Variants in SLC12A5 observed in about 807,000 individuals in gnomAD.
SLC12A5 encodes K-Cl cotransporter 2.
A neutral mutation model predicts 124.0 loss-of-function variants in SLC12A5; 18 were observed. The ratio of observed to expected loss-of-function variants is 0.15; its 90% confidence interval spans 0.10 to 0.22. SLC12A5 has a LOEUF of 0.22. Among genes scored for constraint, SLC12A5 ranks in the 10% least tolerant of loss-of-function variants. The pLI is 1.00. For synonymous variants in SLC12A5, 589 were observed against 568.0 expected, an observed-to-expected ratio of 1.04 and a Z score of -0.53; for missense variants, 867 against 1,478.7, an observed-to-expected ratio of 0.59 and a Z score of 6.78.
Position 46,056,583 on chromosome 20 carries a change from A to AGGGCTGG in SLC12A5, c.3110+29_3110+35dup. On this transcript the variant is annotated intron_variant, in intron 23 of 25. Transcript: ENST00000243964. The surrounding 1 kb of genome is among the most constrained non-coding windows in gnomAD (Gnocchi z 4.3). ...TGAAGCCGTACGGGCCTGGGGGCTA[A>AGGGCTGG]GGGCTGGGGGCTGGGGTGAGCTAAA... 1.2e-6 allele frequency: 2 copies of AGGGCTGG among 1,609,330 alleles called. No homozygotes were observed. Among genetic ancestry groups the AGGGCTGG allele is most frequent in the Middle Eastern group, 1.7e-4 (1 of 6,022 alleles).
intron 21 of SLC12A5, among the ~76,000 whole-genome samples, chr20:46,055,473 G>T (rs530414135): frequency 2.0e-5 from 3 of 152,186 alleles, no homozygotes; most frequent in African/African-American, 7.2e-5. Context: ...GGATCTCAGG[G>T]GTAATGGTGA....
At chr20:46,036,671 G>T (rs6104435) in intron 4 of SLC12A5, 70 bp from the exon 5 acceptor site, 1 of 1,573,036 alleles carries the variant, frequency 6.4e-7, no homozygotes, top group East Asian at 2.2e-5. Context: ...TGGGGTATAA[G>T]GCTTGGCCCC....
Position 46,043,254 on chromosome 20 carries a change from C to T in SLC12A5, c.1168C>T (p.Pro390Ser), listed in dbSNP as rs2084563877. 1 of 1,613,866 alleles carries T rather than the reference C, an allele frequency of 6.2e-7. No homozygotes were observed. Among genetic ancestry groups the T allele is most frequent in the Admixed American group, 1.7e-5 (1 of 59,976 alleles). Reference sequence around the variant, plus strand: ...TGGCACTCCTATCGACATGGACCACCCTTATGTCTTCAGTGATATGACCTC... The same window carrying T: ...TGGCACTCCTATCGACATGGACCACTCTTATGTCTTCAGTGATATGACCTC... ...ADGTPIDMDH[P>S]YVFSDMTSYF... Residue 390 changes from proline (P) to serine (S), a missense_variant, in exon 9 of 26, where the codon CCT becomes TCT. Pro to Ser is a moderately conservative substitution (Grantham distance 74, BLOSUM62 -1). Transcript: ENST00000243964.
At chr20:46,042,522 G>A (rs2084556533) in intron 8 of SLC12A5, among the ~76,000 whole-genome samples, 1 of 151,948 alleles carries the variant, frequency 6.6e-6, no homozygotes, top group African/African-American at 2.4e-5. Flanking sequence ...GACGTTTTTG[G>A]TTGTCAAAAC....
At chr20:46,025,176 T>A (rs989983442), upstream of SLC12A5, among the ~76,000 whole-genome samples, 2 of 152,180 alleles carry the variant, frequency 1.3e-5, no homozygotes, top group African/African-American at 4.8e-5. Context: ...ATGCTAAGAT[T>A]TTGTGATGAT....
chr20:46,023,242 G>T, intron 2 of SLC12A5: 1 of 398,032 alleles, frequency 2.5e-6, no homozygotes, highest in Admixed American at 4.4e-5. Flanking sequence ...GGATTTCTTG[G>T]GCTCCTTCCA....
chr20:46,022,480 C>G (rs1416602093), intron 1 of SLC12A5, among the ~76,000 whole-genome samples: 1 of 151,922 alleles, frequency 6.6e-6, no homozygotes, highest in African/African-American at 2.4e-5. Flanking sequence ...GCCAGGTCAG[C>G]GGGTCCTCGG....
chr20:46,026,247 G>A (rs1051230816), upstream of SLC12A5, among the ~76,000 whole-genome samples: 5 of 152,200 alleles, frequency 3.3e-5, no homozygotes, highest in African/African-American at 1.2e-4. Context: ...GTGGGAGGGG[G>A]TATGAGTTTG....
rs551572064 is a variant in SLC12A5, at chr20:46,051,753, G to A, written c.2260G>A (p.Val754Met). 6.8e-6 allele frequency: 11 copies of A among 1,611,542 alleles called. No homozygotes were observed. The highest frequency in any genetic ancestry group is 3.3e-5 in the South Asian group (3 of 90,656). The change falls in exon 18 of 26, where the codon GTG (valine) becomes ATG (methionine). Residue 754 changes from valine (V) to methionine (M), a missense_variant. By Grantham distance (21) the Val-to-Met change is conservative (BLOSUM62 1). Transcript: ENST00000243964. ...VVISSNLRDG[V>M]SHLIQSGGLG... Reference sequence around the variant, plus strand: ...GATCTCCTCCAACTTGCGTGATGGCGTGTCCCATCTGATCCAGTCCGGGGG... The same window carrying A: ...GATCTCCTCCAACTTGCGTGATGGCATGTCCCATCTGATCCAGTCCGGGGG...
Position 46,034,993 on chromosome 20 carries a change from A to C in SLC12A5, c.98A>C (p.Asp33Ala). 6.2e-7 allele frequency: 1 copy of C among 1,614,042 alleles called. No homozygotes were observed. Among genetic ancestry groups the C allele is most frequent in the Non-Finnish European group, 8.5e-7 (1 of 1,179,952 alleles). The part of the protein sequence containing the change: ...KESSPFINST[D>A]TEKGKEYDGK... ...AGCAGTCCCTTCATCAACAGCACCGACACAGAGAAGGGAAAGGAGTATGAT... is the reference window on the plus strand; with the variant it reads ...AGCAGTCCCTTCATCAACAGCACCGCCACAGAGAAGGGAAAGGAGTATGAT... Residue 33 changes from aspartate (D) to alanine (A), a missense_variant, in exon 2 of 26, where the codon GAC becomes GCC. Physicochemically the swap from Asp to Ala is moderately radical, Grantham distance 126. Transcript: ENST00000243964.
At chr20:46,046,301 G>T (rs921484573) in intron 13 of SLC12A5, 37 bp from the exon 14 acceptor site, 6 of 1,569,922 alleles carry the variant, frequency 3.8e-6, no homozygotes, top group South Asian at 1.1e-5. Context: ...GCCTCCCTTT[G>T]CATCTCTGTC....
rs781617835 is a variant in SLC12A5, at chr20:46,053,144, G to C, written c.2547+18G>C. 1 of 1,598,114 alleles carries C rather than the reference G, an allele frequency of 6.3e-7. No homozygotes were observed. The highest frequency in any genetic ancestry group is 8.6e-7 in the Non-Finnish European group (1 of 1,166,652). On this transcript the variant is annotated intron_variant, in intron 19 of 25. Coordinates refer to ENST00000243964, the MANE Select transcript of SLC12A5 (RefSeq NM_020708.5). The surrounding 1 kb of genome is among the most constrained non-coding windows in gnomAD (Gnocchi z 4.7). Reference sequence around the variant, plus strand: ...ACCACAAGGTGAGTTGTGTGCGTGAGTGTATGCACGTGTGAGTGTGTGTAT... The same window carrying C: ...ACCACAAGGTGAGTTGTGTGCGTGACTGTATGCACGTGTGAGTGTGTGTAT...
chr20:46,043,382 C>A, intron 9 of SLC12A5, 59 bp downstream of exon 9: 3 of 1,564,950 alleles, frequency 1.9e-6, no homozygotes, highest in South Asian at 2.3e-5. Context: ...AAGAGAGAGT[C>A]GATGATGATG....
Position 46,037,364 on chromosome 20 carries a change from G to C in SLC12A5, c.591G>C (p.Leu197=), listed in dbSNP as rs558027479. The change falls in exon 6 of 26, where the codon CTG becomes CTC. Residue 197 remains leucine, a synonymous_variant. Coordinates refer to ENST00000243964, the MANE Select transcript of SLC12A5 (RefSeq NM_020708.5). ...CCTTTGCAGGAGCCATGTACATCCT[G>C]GGCACCATCGAAATCCTGCTGGTAA... is the stretch of plus-strand genomic sequence containing the variant. ...GTTFAGAMYI[L]GTIEILLAYL... 93 of 1,610,714 alleles carry C rather than the reference G, an allele frequency of 5.8e-5. No homozygotes were observed. Among genetic ancestry groups the C allele is most frequent in the Non-Finnish European group, 7.6e-5 (89 of 1,178,174 alleles).
In SLC12A5 at chr20:46,057,092, C is replaced by T; in HGVS notation, c.3126-78C>T. 3 of 1,601,828 alleles carry T rather than the reference C, an allele frequency of 1.9e-6. No individual in the cohort carries two copies. The highest frequency in any genetic ancestry group is 2.2e-5 in the East Asian group (1 of 44,676). On this transcript the variant is annotated intron_variant, in intron 24 of 25. Transcript: ENST00000243964. This position sits in a 1 kb window ranked among gnomAD's most constrained non-coding sequence, Gnocchi z 7.1. The stretch of plus-strand genomic sequence containing the variant: ...AGAACCAGTCCCCAGCAGCCCAGTT[C>T]GGGCTGGAAGGGCGACTGGCTCCAA...
chr20:46,052,252 G>T (rs1013593159), intron 18 of SLC12A5, among the ~76,000 whole-genome samples: 34 of 152,210 alleles, frequency 2.2e-4, no homozygotes, highest in Non-Finnish European at 4.4e-5. Flanking sequence ...CTTGGTAATC[G>T]TAGGTAATAG....
At chr20:46,051,284 A>C (rs1373776700) in intron 17 of SLC12A5, among the ~76,000 whole-genome samples, 1 of 152,162 alleles carries the variant, frequency 6.6e-6, no homozygotes, top group Non-Finnish European at 1.5e-5. Context: ...TGTGCAGAGA[A>C]GCCCAGTTTA....
intron 11 of SLC12A5, 96 bp downstream of exon 11, chr20:46,044,029 G>T (rs2084572208): frequency 7.9e-7 from 1 of 1,264,038 alleles, no homozygotes; most frequent in Non-Finnish European, 1.1e-6. Context: ...TGGGACCTGT[G>T]TGAGGGGCCT....
chr20:46,033,566 C>T (rs1399453534), intron 1 of SLC12A5, among the ~76,000 whole-genome samples: 1 of 152,206 alleles, frequency 6.6e-6, no homozygotes, highest in African/African-American at 2.4e-5. Context: ...AGCCTCTTTG[C>T]TGCATGTATC....
Sources: gnomAD v4.1 joint callset for allele counts (sites outside exome capture counted in the v4.1 genomes callset) on GRCh38, gnomAD v4.1.1 for gene constraint, Gnocchi (gnomAD v3.1) non-coding constraint, MANE v1.5 for transcripts, NCBI Gene and HGNC (gene_info 2026-07-23, HGNC 2026-07-21) for gene names.